The following NDUFAF6 variants were observed in gnomAD, a reference collection of about 807,000 sequenced individuals.
NDUFAF6 encodes NADH dehydrogenase (ubiquinone) complex I, assembly factor 6.
NDUFAF6 carries 45 observed loss-of-function variants against 40.8 expected under a neutral mutation model. The ratio of observed to expected loss-of-function variants is 1.10; its 90% confidence interval spans 0.87 to 1.42. NDUFAF6 has a LOEUF of 1.42. NDUFAF6 is among the 40% of genes most tolerant of loss of function. The pLI is 0.00. For synonymous variants in NDUFAF6, 185 were observed against 155.9 expected, an observed-to-expected ratio of 1.19 and a Z score of -1.39; for missense variants, 435 against 418.5, an observed-to-expected ratio of 1.04 and a Z score of -0.34.
chr8:94,992,802 T>C (rs913701757), intron 2 of NDUFAF6, among the ~76,000 whole-genome samples: 3 of 152,216 alleles, frequency 2.0e-5, no homozygotes, highest in African/African-American at 7.2e-5. Context: ...TTCTCTGGCT[T>C]CTCTTCTCTT....
intron 2 of NDUFAF6, among the ~76,000 whole-genome samples, chr8:95,012,486 T>C (rs1827265400): frequency 6.6e-6 from 1 of 152,128 alleles, no homozygotes; most frequent in Non-Finnish European, 1.5e-5. Flanking sequence ...GCATTTCTAA[T>C]ATTTGAAGGC....
At chr8:94,999,188 A>T (rs139141211) in intron 2 of NDUFAF6, among the ~76,000 whole-genome samples, 3 of 148,722 alleles carry the variant, frequency 2.0e-5, no homozygotes, top group African/African-American at 5.0e-5. Flanking sequence ...TAGTGGCATG[A>T]TCTCAGCTCA....
At chr8:94,921,424 T>G (rs190984538) in intron 1 of NDUFAF6, among the ~76,000 whole-genome samples, 2 of 152,302 alleles carry the variant, frequency 1.3e-5, no homozygotes, top group Non-Finnish European at 2.9e-5. Context: ...TGGCCAGGCC[T>G]GATTCATATG....
intron 7 of NDUFAF6, among the ~76,000 whole-genome samples, chr8:95,050,901 A>G (rs763580669): frequency 9.2e-5 from 14 of 152,222 alleles, no homozygotes; most frequent in Non-Finnish European, 1.8e-4. Context: ...ATAGAGGGAA[A>G]GTTGAAGGTT....
chr8:94,995,265 T>TA (rs1330810697), intron 2 of NDUFAF6, among the ~76,000 whole-genome samples: 3 of 152,112 alleles, frequency 2.0e-5, no homozygotes, highest in Admixed American at 6.5e-5. Context: ...CTAAAGGAGT[T>TA]AAAATGATAG....
intron 1 of NDUFAF6, among the ~76,000 whole-genome samples, chr8:94,913,523 G>A (rs189987879): frequency 5.6e-4 from 85 of 152,262 alleles, no homozygotes; most frequent in Non-Finnish European, 9.3e-4. Flanking sequence ...TGGGCCAGGC[G>A]CAGTGGCTCA....
downstream of NDUFAF6, among the ~76,000 whole-genome samples, chr8:95,105,957 T>C (rs566020266): frequency 5.3e-5 from 8 of 152,090 alleles, no homozygotes; most frequent in South Asian, 1.7e-3. Context: ...ATCTTAATCA[T>C]AGGAACCAGA....
intron 1 of NDUFAF6, among the ~76,000 whole-genome samples, chr8:94,919,005 A>AAACTT (rs1253256733): frequency 6.6e-6 from 1 of 152,228 alleles, no homozygotes; most frequent in African/African-American, 2.4e-5. Flanking sequence ...AAAACTTGAA[A>AAACTT]AACTTAAGTT....
intron 1 of NDUFAF6, among the ~76,000 whole-genome samples, chr8:94,914,126 T>TC (rs1424576220): frequency 1.3e-5 from 2 of 148,350 alleles, no homozygotes; most frequent in Non-Finnish European, 3.0e-5. Context: ...TTTTTTTTTT[T>TC]CAGTGGTTTC....
chr8:95,084,517 T>C (rs1412892596), intron 2 of NDUFAF6, among the ~76,000 whole-genome samples: 1 of 152,238 alleles, frequency 6.6e-6, no homozygotes, highest in Non-Finnish European at 1.5e-5. Flanking sequence ...TTTGCATCCT[T>C]AGTCTCTCCT....
chr8:94,980,869 A>G (rs1825389540), exon 2 of NDUFAF6: 1 of 450,302 alleles, frequency 2.2e-6, no homozygotes, highest in Admixed American at 2.4e-5. Context: ...CCACCTCTCA[A>G]CAACCCATGA....
At chr8:95,028,832 C>T (rs761510562) in intron 1 of NDUFAF6, among the ~76,000 whole-genome samples, 1 of 152,138 alleles carries the variant, frequency 6.6e-6, no homozygotes, top group Non-Finnish European at 1.5e-5. Context: ...TTAAACACTT[C>T]TGAAGTTTGG....
chr8:95,036,265 C>A (rs988523595), intron 3 of NDUFAF6: 117 of 1,239,240 alleles, frequency 9.4e-5, no homozygotes, highest in Middle Eastern at 7.1e-4. Context: ...GAATTAGATA[C>A]CTTTCATCAC....
intron 1 of NDUFAF6, among the ~76,000 whole-genome samples, chr8:94,922,101 C>T (rs760118025): frequency 2.0e-5 from 3 of 152,036 alleles, no homozygotes; most frequent in Non-Finnish European, 4.4e-5. Flanking sequence ...CTCCGCCTCC[C>T]GGGTTCAAGG....
chr8:95,058,040 T>C lies in NDUFAF6; in HGVS notation c.*103T>C. ...AAATGACTGTTAAGGAGAAAATGAA[T>C]TTATTGAATGGGATGTCAAGTAGCT... is the stretch of plus-strand genomic sequence containing the variant. On this transcript the variant is annotated 3_prime_UTR_variant, in exon 9 of 9. Coordinates refer to ENST00000396124, the MANE Select transcript of NDUFAF6 (RefSeq NM_152416.4). 6.7e-7 allele frequency: 1 copy of C among 1,497,280 alleles called. No individual in the cohort carries two copies. Among genetic ancestry groups the C allele is most frequent in the Non-Finnish European group, 8.9e-7 (1 of 1,127,232 alleles). 92.7% of individuals were successfully genotyped at this position (1,497,280 alleles called of 1,614,324 possible).
chr8:95,030,818 A>G (rs1828736838), intron 1 of NDUFAF6, among the ~76,000 whole-genome samples: 1 of 152,236 alleles, frequency 6.6e-6, no homozygotes, highest in African/African-American at 2.4e-5. Context: ...ATGGTTCTGC[A>G]GGCTGTGCAA....
chr8:94,971,079 A>G (rs1824423703), intron 1 of NDUFAF6, among the ~76,000 whole-genome samples: 1 of 152,254 alleles, frequency 6.6e-6, no homozygotes, highest in Non-Finnish European at 1.5e-5. Context: ...CCGAAAAACT[A>G]TTCTGTGTGA....
chr8:95,026,633 T>G (rs1372570325), intron 1 of NDUFAF6, among the ~76,000 whole-genome samples: 1 of 152,214 alleles, frequency 6.6e-6, no homozygotes, highest in African/African-American at 2.4e-5. Context: ...TGTTATATTT[T>G]GATGATAAAA....
upstream of NDUFAF6, among the ~76,000 whole-genome samples, chr8:94,955,271 TAC>T (rs1423507809): frequency 6.6e-6 from 1 of 152,218 alleles, no homozygotes; most frequent in African/African-American, 2.4e-5. Flanking sequence ...ATTTATTTCT[TAC>T]AGTTGTGGAG....
Sources: allele counts gnomAD v4.1 joint callset (sites outside exome capture counted in the v4.1 genomes callset), GRCh38; gene constraint gnomAD v4.1.1; transcripts MANE v1.5; gene names NCBI Gene and HGNC (gene_info 2026-07-23, HGNC 2026-07-21).